CAMK2A: variants seen among roughly 807,000 people sequenced by gnomAD.
CAMK2A encodes the protein calcium/calmodulin-dependent protein kinase type II subunit alpha.
CAMK2A carries 7 observed loss-of-function variants against 79.2 expected under a neutral mutation model. That is an observed-to-expected ratio of 0.09 (90% CI 0.05 to 0.17). The LOEUF (loss-of-function observed/expected upper bound fraction) is 0.17, where lower values mean the gene tolerates loss of function less well. CAMK2A is among the 10% of genes least tolerant of loss of function. The pLI, the probability that CAMK2A is intolerant of heterozygous loss-of-function variation, is 1.00. For synonymous variants in CAMK2A, 242 were observed against 251.7 expected (o/e 0.96, Z 0.36); for missense variants, 214 against 646.4 (o/e 0.33, Z 7.25).
chr5:150,249,187 G>A (rs1458406033), intron 11 of CAMK2A, among the ~76,000 whole-genome samples: 5 of 152,222 alleles, frequency 3.3e-5, no homozygotes, highest in Non-Finnish European at 5.9e-5. Context: ...CATCCCCAGC[G>A]TGCTGACGGC....
At chr5:150,262,343 C>G (rs537025443) in intron 3 of CAMK2A, among the ~76,000 whole-genome samples, 1 of 152,324 alleles carries the variant, frequency 6.6e-6, no homozygotes, top group East Asian at 1.9e-4. Flanking sequence ...GAGCCCACAT[C>G]TGTACCTCTT....
intron 1 of CAMK2A, among the ~76,000 whole-genome samples, chr5:150,274,447 G>A (rs1410328530): frequency 6.6e-6 from 1 of 152,216 alleles, no homozygotes; most frequent in Non-Finnish European, 1.5e-5. Context: ...AACAAAAGTT[G>A]TCTAAGGGCT....
chr5:150,279,436 ACCAACCCTATGCAG>A (rs1324418329), intron 1 of CAMK2A, among the ~76,000 whole-genome samples: 6 of 152,198 alleles, frequency 3.9e-5, no homozygotes, highest in African/African-American at 1.4e-4. Context: ...TAATAATAGT[ACCAACCCTATGCAG>A]TTGTTTCAAG....
At chr5:150,234,246 C>T (rs547561457) in intron 15 of CAMK2A, among the ~76,000 whole-genome samples, 2 of 152,136 alleles carry the variant, frequency 1.3e-5, no homozygotes, top group African/African-American at 2.4e-5. Flanking sequence ...TCTGGCTCAC[C>T]GTTCCAGGAG....
intron 1 of CAMK2A, among the ~76,000 whole-genome samples, chr5:150,273,881 G>C (rs1264824424): frequency 6.6e-6 from 1 of 152,242 alleles, no homozygotes. Flanking sequence ...GACTAGCCGT[G>C]TATGTGTGCA....
rs79072236 is a variant in CAMK2A, at chr5:150,257,537, G to T, written c.272+26C>A. On this transcript the variant is annotated intron_variant, in intron 4 of 18. Transcript: ENST00000671881. ...GTTAGGCAGCCCCAACACCGTTGGC[G>T]CATCCCAGGGCGGGGCCAAACTCAC... 2.2e-4 allele frequency: 347 copies of T among 1,553,570 alleles called. 1 individual carries two copies. In the African/African-American group the frequency reaches 4.2e-3, roughly 19 times the overall value.
At chr5:150,287,937 C>CTGTGTGTGTGTGTGTGTGTG (rs57886187) in intron 1 of CAMK2A, among the ~76,000 whole-genome samples, 3 of 140,776 alleles carry the variant, frequency 2.1e-5, no homozygotes, top group African/African-American at 5.3e-5. Context: ...AGGATAGCCT[C>CTGTGTGTGTGTGTGTGTGTG]TGTGTGTGTG....
intron 1 of CAMK2A, among the ~76,000 whole-genome samples, chr5:150,280,376 G>A (rs750165317): frequency 3.3e-5 from 5 of 152,006 alleles, no homozygotes; most frequent in African/African-American, 7.3e-5. Context: ...CCTCAAACAC[G>A]CTCAGGTCTC....
chr5:150,222,700 G>T lies in CAMK2A; in HGVS notation c.*10C>A. 1.2e-6 allele frequency: 2 copies of T among 1,614,038 alleles called. No individual in the cohort carries two copies. Among genetic ancestry groups the T allele is most frequent in the South Asian group, 1.1e-5 (1 of 91,086 alleles). ...GCGGCACAGCAACGCAGCGACCCCA[G>T]CCTGGTCCCTCAGCTGTAAGACACA... On this transcript the variant is annotated 3_prime_UTR_variant, in exon 19 of 19. Coordinates refer to ENST00000671881, the MANE Select transcript of CAMK2A (RefSeq NM_015981.4).
intron 3 of CAMK2A, among the ~76,000 whole-genome samples, chr5:150,261,489 C>A (rs1756304134): frequency 6.6e-6 from 1 of 152,208 alleles, no homozygotes. Context: ...CATTCTGTCA[C>A]TTTTGACTGT....
intron 13 of CAMK2A, 71 bp downstream of exon 13, chr5:150,245,090 C>T (rs1355255066): frequency 2.7e-6 from 4 of 1,494,734 alleles, no homozygotes; most frequent in Non-Finnish European, 3.7e-6. Context: ...TTGCTCCAGG[C>T]CTGAAAGCCG....
chr5:150,224,210 A>T (rs1001095912), intron 17 of CAMK2A, among the ~76,000 whole-genome samples: 5 of 152,222 alleles, frequency 3.3e-5, no homozygotes, highest in African/African-American at 1.2e-4. Flanking sequence ...AAGATAGGAA[A>T]TGAAAGCATA....
chr5:150,236,398 T>G (rs1017542979), intron 15 of CAMK2A, among the ~76,000 whole-genome samples: 1 of 152,232 alleles, frequency 6.6e-6, no homozygotes, highest in Non-Finnish European at 1.5e-5. Flanking sequence ...AAATTGAGAT[T>G]GATTAAATAG....
At position 150,221,386 on chromosome 5, in the gene CAMK2A, C is replaced by T. The variant is rs567968447; in HGVS notation, c.*1324G>A. On this transcript the variant is annotated 3_prime_UTR_variant, in exon 19 of 19. Coordinates refer to ENST00000671881, the MANE Select transcript of CAMK2A (RefSeq NM_015981.4). ...CCAGTGCTTTGCTGTGGTCATCAGA[C>T]GCCAAGGGGAGAGAGGCAATGAAGA... 62 of 398,608 alleles carry T rather than the reference C, an allele frequency of 1.6e-4. No individual in the cohort carries two copies. Among genetic ancestry groups the T allele is most frequent in the African/African-American group, 1.2e-3 (60 of 48,664 alleles). The allele number at this position is 398,608 out of a possible 1,614,324, so 24.7% of individuals were successfully genotyped here. A position where few individuals can be genotyped will look rare whatever the true frequency, so the allele number is the denominator to read the frequency against.
upstream of CAMK2A, chr5:150,289,805 C>G (rs564568749): frequency 3.7e-6 from 2 of 546,488 alleles, no homozygotes; most frequent in South Asian, 2.6e-5. Context: ...CACAGCCTCG[C>G]GAGCCTTCGT....
intron 1 of CAMK2A, among the ~76,000 whole-genome samples, chr5:150,278,880 C>T (rs1038897992): frequency 2.0e-5 from 3 of 152,022 alleles, no homozygotes; most frequent in Admixed American, 6.6e-5. Flanking sequence ...AGGTATGAGG[C>T]GTGCATCCAC....
At chr5:150,285,443 A>T (rs1757385803) in intron 1 of CAMK2A, among the ~76,000 whole-genome samples, 1 of 152,158 alleles carries the variant, frequency 6.6e-6, no homozygotes, top group Non-Finnish European at 1.5e-5. Flanking sequence ...GACATTGTCC[A>T]CCCAACAGCT....
At position 150,260,209 on chromosome 5, in the gene CAMK2A, C is replaced by A. The variant is rs188771003; in HGVS notation, c.218-2592G>T. On this transcript the variant is annotated intron_variant, in intron 3 of 18. Transcript: ENST00000671881. ...CAGTGGCTCACGACTGTAATCCCAGCACTTTGGGAGGCTGAGGCGGGTGGA... is the reference window on the plus strand; with the variant it reads ...CAGTGGCTCACGACTGTAATCCCAGAACTTTGGGAGGCTGAGGCGGGTGGA... Among the ~76,000 whole-genome samples the A allele has an allele frequency of 6.6e-3, 1,005 of 152,216 alleles. 9 individuals are homozygous for A. Among genetic ancestry groups the A allele is most frequent in the African/African-American group, 0.023 (948 of 41,532 alleles).
intron 14 of CAMK2A, among the ~76,000 whole-genome samples, chr5:150,239,285 GC>G (rs1755234919): frequency 6.6e-6 from 1 of 152,168 alleles, no homozygotes; most frequent in Non-Finnish European, 1.5e-5. Context: ...GGGCCTGGTA[GC>G]CTTACACCAG....
Sources: allele counts gnomAD v4.1 joint callset (sites outside exome capture counted in the v4.1 genomes callset), GRCh38; gene constraint gnomAD v4.1.1; transcripts MANE v1.5; gene names NCBI Gene and HGNC (gene_info 2026-07-23, HGNC 2026-07-21).